The following UFSP2 variants were observed in gnomAD, a reference collection of about 807,000 sequenced individuals.
UFSP2 encodes the protein UFM1 specific peptidase 2, also known as ufm1-specific protease 2.
Under a neutral mutation model 60.2 loss-of-function variants are expected in UFSP2, and 43 were observed. The observed-to-expected ratio is 0.71, with a 90% confidence interval of 0.56 to 0.92. UFSP2 has a LOEUF of 0.92. Among genes scored for constraint, UFSP2 ranks in the 40% least tolerant of loss-of-function variants. The pLI is 0.00. For missense variants in UFSP2, 520 were observed against 575.0 expected (o/e 0.90, Z 0.98); for synonymous variants, 183 against 195.1 (o/e 0.94, Z 0.52).
At chr4:185,402,986 C>T (rs75745386) in intron 11 of UFSP2, among the ~76,000 whole-genome samples, 222 of 152,214 alleles carry the variant, frequency 1.5e-3, no homozygotes, top group African/African-American at 5.2e-3. Flanking sequence ...AAATTTTTAC[C>T]TCCTTTATCT....
chr4:185,408,582 A>G (rs1561111215), intron 7 of UFSP2, 147 bp from the exon 8 acceptor site: 12 of 837,934 alleles, frequency 1.4e-5, no homozygotes, highest in Non-Finnish European at 3.6e-6. Context: ...CTATGGTTTA[A>G]CATTATACCT....
chr4:185,425,105 C>T (rs140776628), intron 1 of UFSP2, among the ~76,000 whole-genome samples: 2 of 152,292 alleles, frequency 1.3e-5, no homozygotes, highest in Admixed American at 1.3e-4. Flanking sequence ...AACAGACAGA[C>T]ATTTAGAAGT....
chr4:185,411,776 G>GA (rs1228727452), intron 7 of UFSP2, among the ~76,000 whole-genome samples: 1 of 152,036 alleles, frequency 6.6e-6, no homozygotes, highest in Non-Finnish European at 1.5e-5. Context: ...AAAAAACTTG[G>GA]AAAAAATCAT....
Position 185,400,442 on chromosome 4 carries a change from T to A in UFSP2, c.1360A>T (p.Lys454Ter). 1 of 1,614,016 alleles carries A rather than the reference T, an allele frequency of 6.2e-7. No homozygotes were observed. Among genetic ancestry groups the A allele is most frequent in the Non-Finnish European group, 8.5e-7 (1 of 1,179,940 alleles). Reference sequence around the variant, plus strand: ...AGACATAAGTTATAGTATGCATCCTTGTTCCAAAAATCTGGGCCCTTCCAT... The same window carrying A: ...AGACATAAGTTATAGTATGCATCCTAGTTCCAAAAATCTGGGCCCTTCCAT... ...CGWKGPDFWN[K>*]DAYYNLCLPQ... is the part of the protein sequence containing the mutation. Residue 454 changes from lysine (K) to a stop codon, truncating the protein, a stop_gained, in exon 12 of 12, where the codon AAG becomes TAG. Coordinates refer to ENST00000264689, the MANE Select transcript of UFSP2 (RefSeq NM_018359.5). LOFTEE classifies it high-confidence loss of function.
At chr4:185,413,439 C>T (rs938271908) in intron 7 of UFSP2, among the ~76,000 whole-genome samples, 1 of 151,902 alleles carries the variant, frequency 6.6e-6, no homozygotes, top group Non-Finnish European at 1.5e-5. Flanking sequence ...AGACTATGCC[C>T]TTAATTAGCA....
At chr4:185,418,324 T>A (rs2095542971) in intron 4 of UFSP2, 117 bp downstream of exon 4, 1 of 734,388 alleles carries the variant, frequency 1.4e-6, no homozygotes, top group South Asian at 2.4e-5. Flanking sequence ...TTAATCTTTT[T>A]GGACATCAAT....
chr4:185,400,576 A>G, intron 11 of UFSP2, 98 bp from the exon 12 acceptor site: 2 of 774,492 alleles, frequency 2.6e-6, no homozygotes, highest in Non-Finnish European at 4.2e-6. Context: ...ACCTTGGAAT[A>G]AGACTCTAAA....
chr4:185,420,983 T>C (rs2095548440), intron 2 of UFSP2, among the ~76,000 whole-genome samples: 1 of 152,222 alleles, frequency 6.6e-6, no homozygotes, highest in East Asian at 1.9e-4. Flanking sequence ...TTATATCAAG[T>C]TGTGAAATGT....
At chr4:185,421,017 T>A (rs2095548477) in intron 2 of UFSP2, among the ~76,000 whole-genome samples, 1 of 152,218 alleles carries the variant, frequency 6.6e-6, no homozygotes, top group Non-Finnish European at 1.5e-5. Flanking sequence ...TAAAGTAACA[T>A]TTTAGGAACA....
intron 1 of UFSP2, among the ~76,000 whole-genome samples, chr4:185,425,556 T>A (rs1175269448): frequency 6.6e-6 from 1 of 152,232 alleles, no homozygotes; most frequent in Non-Finnish European, 1.5e-5. Context: ...AAGTTGCGCC[T>A]GTCCCAGGTT....
intron 1 of UFSP2, among the ~76,000 whole-genome samples, chr4:185,424,245 A>G (rs749338646): frequency 3.3e-5 from 5 of 152,100 alleles, no homozygotes; most frequent in Non-Finnish European, 4.4e-5. Context: ...GGTCAATGCT[A>G]CAGTGAGCCA....
In UFSP2 at chr4:185,407,965, G is replaced by T. The variant is rs148902345; in HGVS notation, c.1092C>A (p.Ile364=). The T allele has an allele frequency of 1.9e-4, 309 of 1,614,008 alleles. 2 individuals carry two copies. In the East Asian group the frequency reaches 6.6e-3, roughly 35 times the overall value. The change falls in exon 9 of 12, where the codon ATC becomes ATA. Residue 364 remains isoleucine (I), a synonymous_variant. Transcript: ENST00000264689. ...IEVQLVLNQL[I]GITSKILFVS... ...CAAACAGGATTTTTGACGTTATACC[G>T]ATCAATTGGTTTAGTACCAGCTGCA...
chr4:185,420,239 G>C (rs1013959810), intron 2 of UFSP2, among the ~76,000 whole-genome samples: 2 of 151,616 alleles, frequency 1.3e-5, no homozygotes, highest in Non-Finnish European at 2.9e-5. Flanking sequence ...GTTTGTTTTT[G>C]TTTTCAAGGA....
chr4:185,415,771 C>G lies in UFSP2; in HGVS notation c.430G>C (p.Val144Leu). 1 of 1,613,866 alleles carries G rather than the reference C, an allele frequency of 6.2e-7. No individual in the cohort carries two copies. Among genetic ancestry groups the G allele is most frequent in the Non-Finnish European group, 8.5e-7 (1 of 1,179,788 alleles). Reference sequence around the variant, plus strand: ...GCATCGACAGGTAAAGTCATATTAACATAATGGTGTCCTCCGCTTTCCCTT... The same window carrying G: ...GCATCGACAGGTAAAGTCATATTAAGATAATGGTGTCCTCCGCTTTCCCTT... ...IERESGGHHY[V>L]NMTLPVDAVI... is the part of the protein sequence containing the mutation. The change falls in exon 5 of 12, where the codon GTT (valine) becomes CTT (leucine). Residue 144 changes from valine (V) to leucine (L), a missense_variant. Physicochemically the swap from Val to Leu is conservative, Grantham distance 32. Transcript: ENST00000264689.
At position 185,403,611 on chromosome 4, in the gene UFSP2, T is replaced by C. The variant is rs762192494; in HGVS notation, c.1206A>G (p.Gly402=). 2 of 1,609,440 alleles carry C rather than the reference T, an allele frequency of 1.2e-6. No homozygotes were observed. Among genetic ancestry groups the C allele is most frequent in the Admixed American group, 3.4e-5 (2 of 58,646 alleles). The part of the protein sequence containing the change: ...SEGTPVMIGG[G]VLAHTILGVA... ...CTCCTAGTATTGTGTGGGCCAAAAC[T>C]CCTCCCCCTATAGAAGAAAAAATAG... Residue 402 remains glycine (G), a synonymous_variant, in exon 11 of 12, where the codon GGA becomes GGG. Transcript: ENST00000264689.
At chr4:185,416,769 A>C (rs2095539474) in intron 4 of UFSP2, among the ~76,000 whole-genome samples, 1 of 152,240 alleles carries the variant, frequency 6.6e-6, no homozygotes, top group Admixed American at 6.5e-5. Context: ...CAGCTTGAAG[A>C]AACTTCTATT....
intron 4 of UFSP2, chr4:185,416,068 C>A: frequency 2.4e-6 from 1 of 414,404 alleles, no homozygotes; most frequent in Non-Finnish European, 4.2e-6. Context: ...TGAGATAACT[C>A]ACTACCCTCA....
At chr4:185,407,822 GAAGGAA>G (rs2095523033) in intron 9 of UFSP2, 108 bp downstream of exon 9, 2 of 1,151,058 alleles carry the variant, frequency 1.7e-6, no homozygotes. Flanking sequence ...TAATAAGGAA[GAAGGAA>G]AAGGAATAAA....
In UFSP2 at chr4:185,415,737, G is replaced by T. The variant is rs1427412545; in HGVS notation, c.464C>A (p.Ser155Tyr). The T allele has an allele frequency of 1.9e-6, 3 of 1,612,374 alleles. No homozygotes were observed. Among genetic ancestry groups the T allele is most frequent in the Non-Finnish European group, 2.5e-6 (3 of 1,179,396 alleles). ...TCCCCATGTTTCTTCTGGAGCAACA[G>T]ATATAACTGCATCGACAGGTAAAGT... The part of the protein sequence containing the change: ...NMTLPVDAVI[S>Y]VAPEETWGKV... The change falls in exon 5 of 12, where the codon TCT becomes TAT. Residue 155 changes from serine (S) to tyrosine (Y), a missense_variant. Ser to Tyr is a moderately radical substitution (Grantham distance 144). Coordinates refer to ENST00000264689, the MANE Select transcript of UFSP2 (RefSeq NM_018359.5).
Sources: gnomAD v4.1 joint callset for allele counts (sites outside exome capture counted in the v4.1 genomes callset) on GRCh38, gnomAD v4.1.1 for gene constraint, MANE v1.5 for transcripts, NCBI Gene and HGNC (gene_info 2026-07-23, HGNC 2026-07-21) for gene names.